The following PCDH9 variants were observed in gnomAD, a reference collection of about 807,000 sequenced individuals.
PCDH9 encodes protocadherin 9, also known as protocadherin-9.
PCDH9 carries 24 observed loss-of-function variants against 70.6 expected under a neutral mutation model. That is an observed-to-expected ratio of 0.34 (90% confidence interval 0.25 to 0.48). The LOEUF (loss-of-function observed/expected upper bound fraction) is 0.48. Among genes scored for constraint, PCDH9 ranks in the 20% least tolerant of loss-of-function variants. The probability of loss-of-function intolerance (pLI) is 0.99; values close to 1 mark genes in which losing one functional copy is unlikely to be tolerated. For missense variants in PCDH9, 1,281 were observed against 1,503.6 expected (o/e 0.85, Z 2.45); for synonymous variants, 562 against 558.5 (o/e 1.01, Z -0.09).
chr13:66,926,761 T>A (rs537055777), intron 2 of PCDH9, among the ~76,000 whole-genome samples: 6 of 152,122 alleles, frequency 3.9e-5, no homozygotes, highest in African/African-American at 1.4e-4. Context: ...TACTTACATG[T>A]GCTACACACT....
intron 2 of PCDH9, among the ~76,000 whole-genome samples, chr13:66,964,970 T>G (rs558970574): frequency 6.6e-6 from 1 of 152,112 alleles, no homozygotes; most frequent in South Asian, 2.1e-4. Flanking sequence ...ATGCATTAAA[T>G]AATTAGAGTC....
At chr13:67,037,659 G>T (rs1249404797) in intron 2 of PCDH9, among the ~76,000 whole-genome samples, 2 of 152,292 alleles carry the variant, frequency 1.3e-5, no homozygotes, top group African/African-American at 4.8e-5. Context: ...TACTAGGATA[G>T]CTCTTTCAGT....
intron 2 of PCDH9, chr13:67,218,826 C>A (rs777719059): frequency 6.6e-6 from 1 of 151,934 alleles, no homozygotes; most frequent in Non-Finnish European, 1.5e-5. Context: ...TCCTCAAAGA[C>A]CTTGACTGTG....
chr13:66,359,346 T>G (rs1450011862), intron 4 of PCDH9, among the ~76,000 whole-genome samples: 1 of 151,978 alleles, frequency 6.6e-6, no homozygotes, highest in Non-Finnish European at 1.5e-5. Context: ...ACGTAGCACC[T>G]GCAATAAATC....
At chr13:66,789,614 A>G (rs2080132728) in intron 3 of PCDH9, among the ~76,000 whole-genome samples, 1 of 151,936 alleles carries the variant, frequency 6.6e-6, no homozygotes, top group African/African-American at 2.4e-5. Context: ...ATACTTTATG[A>G]CTCTATATTC....
chr13:66,412,469 A>T (rs556005717), intron 4 of PCDH9, among the ~76,000 whole-genome samples: 1 of 152,152 alleles, frequency 6.6e-6, no homozygotes, highest in South Asian at 2.1e-4. Flanking sequence ...TTTCTAGAAC[A>T]CATCATTCTT....
intron 4 of PCDH9, among the ~76,000 whole-genome samples, chr13:66,518,985 G>T (rs1305113304): frequency 6.6e-6 from 1 of 152,162 alleles, no homozygotes; most frequent in Non-Finnish European, 1.5e-5. Flanking sequence ...CGGTGTCCCA[G>T]ATATAATATA....
chr13:66,794,050 G>A (rs948755361), intron 3 of PCDH9, among the ~76,000 whole-genome samples: 1 of 151,968 alleles, frequency 6.6e-6, no homozygotes, highest in African/African-American at 2.4e-5. Flanking sequence ...CAGACATAAA[G>A]GTAACTGAAG....
At chr13:67,066,661 C>T (rs541080453) in intron 2 of PCDH9, among the ~76,000 whole-genome samples, 2 of 151,942 alleles carry the variant, frequency 1.3e-5, no homozygotes, top group Admixed American at 1.3e-4. Flanking sequence ...TTTAATGAGG[C>T]CTTTCATACA....
At chr13:67,078,844 G>GC (rs1197661943) in intron 2 of PCDH9, among the ~76,000 whole-genome samples, 2 of 152,156 alleles carry the variant, frequency 1.3e-5, no homozygotes, top group Admixed American at 6.6e-5. Context: ...GTGATCTACA[G>GC]CCCCTCTTTA....
chr13:66,947,435 C>T (rs1351244429), intron 2 of PCDH9, among the ~76,000 whole-genome samples: 1 of 151,964 alleles, frequency 6.6e-6, no homozygotes, highest in Non-Finnish European at 1.5e-5. Context: ...AAAAATACCC[C>T]TTATTATGAG....
chr13:66,980,061 T>C (rs1427585819), intron 2 of PCDH9, among the ~76,000 whole-genome samples: 3 of 150,932 alleles, frequency 2.0e-5, no homozygotes, highest in Non-Finnish European at 2.9e-5. Context: ...GCAATGACAC[T>C]AACTTAAATT....
intron 2 of PCDH9, among the ~76,000 whole-genome samples, chr13:67,116,219 A>C (rs192307866): frequency 2.4e-4 from 37 of 152,330 alleles, no homozygotes; most frequent in Non-Finnish European, 5.1e-4. Context: ...TCACAACATC[A>C]ACCAGAGAAT....
chr13:66,773,351 A>G (rs2079838525), intron 3 of PCDH9, among the ~76,000 whole-genome samples: 1 of 152,162 alleles, frequency 6.6e-6, no homozygotes. Flanking sequence ...TTAATTGGCC[A>G]GGCACGGTGG....
intron 3 of PCDH9, among the ~76,000 whole-genome samples, chr13:66,809,137 AC>A (rs1408520795): frequency 6.6e-6 from 1 of 152,054 alleles, no homozygotes; most frequent in African/African-American, 2.4e-5. Context: ...TTTAGTAGAG[AC>A]GGGGTTTCAC....
intron 3 of PCDH9, among the ~76,000 whole-genome samples, chr13:66,748,606 A>T (rs894943499): frequency 1.3e-5 from 2 of 152,096 alleles, no homozygotes; most frequent in Non-Finnish European, 2.9e-5. Context: ...AGCAAAGCAG[A>T]CTCCATGTGC....
chr13:66,701,428 T>A (rs961232228), intron 3 of PCDH9, among the ~76,000 whole-genome samples: 4 of 152,176 alleles, frequency 2.6e-5, no homozygotes, highest in Admixed American at 2.6e-4. Flanking sequence ...TGTGCATATA[T>A]GCATATGTAC....
intron 2 of PCDH9, among the ~76,000 whole-genome samples, chr13:67,060,368 T>C (rs932309801): frequency 6.6e-6 from 1 of 152,088 alleles, no homozygotes; most frequent in African/African-American, 2.4e-5. Flanking sequence ...ATCTTGGAAG[T>C]GGAGGGCTAA....
At chr13:66,762,729 A>G (rs566063502) in intron 3 of PCDH9, among the ~76,000 whole-genome samples, 3 of 152,032 alleles carry the variant, frequency 2.0e-5, no homozygotes, top group African/African-American at 7.2e-5. Flanking sequence ...ACTCGACTCA[A>G]TCCTAAACAG....
Sources: allele counts gnomAD v4.1 joint callset (sites outside exome capture counted in the v4.1 genomes callset), GRCh38; gene constraint gnomAD v4.1.1; transcripts MANE v1.5; gene names NCBI Gene and HGNC (gene_info 2026-07-23, HGNC 2026-07-21).